The following CADPS variants were observed in gnomAD, a reference collection of about 807,000 sequenced individuals.
CADPS encodes calcium dependent secretion activator, also known as calcium-dependent secretion activator 1.
A neutral mutation model predicts 167.3 loss-of-function variants in CADPS; 57 were observed. The ratio of observed to expected loss-of-function variants is 0.34; its 90% CI spans 0.28 to 0.42. The LOEUF is 0.42. Ranked by LOEUF, CADPS falls within the 20% of genes least tolerant of loss-of-function variation. CADPS has a pLI of 1.00. For synonymous variants in CADPS, 676 were observed against 635.3 expected (o/e 1.06, Z -0.96); for missense variants, 1,414 against 1,738.1 (o/e 0.81, Z 3.32).
chr3:62,740,464 A>G (rs1181520459), intron 3 of CADPS, among the ~76,000 whole-genome samples: 2 of 152,190 alleles, frequency 1.3e-5, no homozygotes, highest in Non-Finnish European at 2.9e-5. Context: ...ATTTCATTCA[A>G]CCACATTACA....
intron 3 of CADPS, among the ~76,000 whole-genome samples, chr3:62,724,992 C>T (rs1046587861): frequency 6.6e-6 from 1 of 152,222 alleles, no homozygotes; most frequent in Admixed American, 6.5e-5. Flanking sequence ...GTGCTCTGTG[C>T]CAGTGAGCCC....
At chr3:62,547,079 T>G (rs1370633632) in intron 11 of CADPS, among the ~76,000 whole-genome samples, 1 of 152,172 alleles carries the variant, frequency 6.6e-6, no homozygotes, top group East Asian at 1.9e-4. Context: ...GCTTGTAAAT[T>G]ATAGGAACAG....
At position 62,753,562 on chromosome 3, in the gene CADPS, G is replaced by T; in HGVS notation, c.767C>A (p.Ala256Asp). The change falls in exon 3 of 30, where the codon GCC becomes GAC. Residue 256 changes from alanine to aspartate, a missense_variant. Around this residue, in one of 6 missense-constraint regions of CADPS, gnomAD observed 522 missense variants for 559.5 expected, o/e 0.93. Transcript: ENST00000383710. The surrounding 1 kb of genome is among the most constrained non-coding windows in gnomAD (Gnocchi z 4.6). ...GGAGGCTGCGCTGGCTGTCATCCGG[G>T]CCTGCTGCTTCCGCGGGTCCTCTTC... The part of the protein sequence containing the change: ...RGEEDPRKQQ[A>D]RMTASAASEL... 1 of 1,614,104 alleles carries T rather than the reference G, an allele frequency of 6.2e-7. No individual in the cohort carries two copies. The highest frequency in any genetic ancestry group is 8.5e-7 in the Non-Finnish European group (1 of 1,180,036).
chr3:62,565,995 C>G (rs764066932), intron 9 of CADPS, among the ~76,000 whole-genome samples: 9 of 152,168 alleles, frequency 5.9e-5, no homozygotes, highest in Non-Finnish European at 1.3e-4. Flanking sequence ...TTTTTTCAGA[C>G]AATTTTCGTT....
At position 62,862,475 on chromosome 3, in the gene CADPS, C is replaced by T. The variant is rs552118655; in HGVS notation, c.441+12114G>A. On this transcript the variant is annotated intron_variant, in intron 1 of 29. Transcript: ENST00000383710. Reference sequence around the variant, plus strand: ...CTACTCACCTCGGCCTCCCAAAGACCTGGGATTACAGGTGTGAGCCACTGT... The same window carrying T: ...CTACTCACCTCGGCCTCCCAAAGACTTGGGATTACAGGTGTGAGCCACTGT... Among the ~76,000 whole-genome samples the T allele has an allele frequency of 2.8e-3, 419 of 152,214 alleles. 2 individuals are homozygous for T. Among genetic ancestry groups the T allele is most frequent in the African/African-American group, 9.2e-3 (380 of 41,524 alleles).
intron 1 of CADPS, among the ~76,000 whole-genome samples, chr3:62,859,821 A>G (rs2080435639): frequency 6.6e-6 from 1 of 152,208 alleles, no homozygotes; most frequent in Non-Finnish European, 1.5e-5. Context: ...AATATTCTTC[A>G]GAAAATAAAG....
chr3:62,583,599 G>C (rs2083928744), intron 8 of CADPS, among the ~76,000 whole-genome samples: 1 of 152,104 alleles, frequency 6.6e-6, no homozygotes, highest in African/African-American at 2.4e-5. Context: ...CCCAGCTCAG[G>C]CTTGGCATAA....
rs192943100 is a variant in CADPS, at chr3:62,618,350, C to T, written c.1326-25602G>A. 1.2e-4 allele frequency among the ~76,000 whole-genome samples: 19 copies of T among 152,210 alleles called. No homozygotes were observed. The East Asian group carries it at 2.9e-3, about 23-fold the overall frequency. On this transcript the variant is annotated intron_variant, in intron 6 of 29. Transcript: ENST00000383710. ...CTTCATTTATATGGACTAATGAAAT[C>T]CTGTCTCAGTTTAAGCCAATCAGAA...
chr3:62,451,316 C>G (rs1003612296), intron 26 of CADPS, among the ~76,000 whole-genome samples: 1 of 152,000 alleles, frequency 6.6e-6, no homozygotes, highest in Non-Finnish European at 1.5e-5. Flanking sequence ...TTTTCTTCTG[C>G]CTGGCCCTAA....
intron 6 of CADPS, among the ~76,000 whole-genome samples, chr3:62,640,938 C>CT (rs2067283015): frequency 6.7e-6 from 1 of 149,074 alleles, no homozygotes; most frequent in Non-Finnish European, 1.5e-5. Flanking sequence ...TTCTTTACAT[C>CT]ATTTTTTTTT....
chr3:62,803,318 A>AT (rs1489141938), intron 1 of CADPS, among the ~76,000 whole-genome samples: 1 of 143,524 alleles, frequency 7.0e-6, no homozygotes, highest in Non-Finnish European at 1.5e-5. Context: ...GAATAATGGC[A>AT]TTTGAGATGC....
chr3:62,540,726 T>A (rs1409425681), intron 11 of CADPS, among the ~76,000 whole-genome samples: 1 of 152,180 alleles, frequency 6.6e-6, no homozygotes, highest in Non-Finnish European at 1.5e-5. Flanking sequence ...AAATTCTGTT[T>A]CAAAGAACTT....
intron 8 of CADPS, among the ~76,000 whole-genome samples, chr3:62,573,489 A>G (rs1245592980): frequency 6.6e-6 from 1 of 152,212 alleles, no homozygotes; most frequent in Non-Finnish European, 1.5e-5. Context: ...CTATAGGGAC[A>G]AAGTCCAGCA....
At chr3:62,633,550 C>T (rs147097373) in intron 6 of CADPS, among the ~76,000 whole-genome samples, 18 of 152,110 alleles carry the variant, frequency 1.2e-4, no homozygotes, top group East Asian at 1.2e-3. Context: ...GCCTTCTTGC[C>T]GTAGAGTCTC....
chr3:62,769,779 G>T (rs529718607), intron 1 of CADPS, among the ~76,000 whole-genome samples: 1 of 152,096 alleles, frequency 6.6e-6, no homozygotes, highest in Non-Finnish European at 1.5e-5. Flanking sequence ...GAGCGCACAG[G>T]CTTGGGGTCC....
intron 28 of CADPS, among the ~76,000 whole-genome samples, chr3:62,418,989 C>G (rs940552393): frequency 2.0e-5 from 3 of 152,170 alleles, no homozygotes; most frequent in African/African-American, 4.8e-5. Flanking sequence ...CCTGGCTCAA[C>G]AGCAGGACAT....
chr3:62,730,122 A>C (rs949112189), intron 3 of CADPS, among the ~76,000 whole-genome samples: 2 of 149,522 alleles, frequency 1.3e-5, no homozygotes, highest in Non-Finnish European at 2.9e-5. Flanking sequence ...TCCTTCTGTC[A>C]CTTCATGACG....
At chr3:62,487,606 G>A (rs1362472882) in intron 21 of CADPS, among the ~76,000 whole-genome samples, 3 of 152,200 alleles carry the variant, frequency 2.0e-5, no homozygotes, top group African/African-American at 4.8e-5. Flanking sequence ...CTGGCTTAAC[G>A]GAAACAGAGA....
intron 1 of CADPS, among the ~76,000 whole-genome samples, chr3:62,852,372 A>T (rs1451925625): frequency 2.0e-5 from 3 of 152,016 alleles, no homozygotes; most frequent in Non-Finnish European, 4.4e-5. Context: ...TGTGTCGCTC[A>T]CACTGGGAGC....
Sources: gnomAD v4.1 joint callset for allele counts (sites outside exome capture counted in the v4.1 genomes callset) on GRCh38, gnomAD v4.1.1 for gene constraint, gnomAD v4.1.1 regional missense constraint, Gnocchi (gnomAD v3.1) non-coding constraint, MANE v1.5 for transcripts, NCBI Gene and HGNC (gene_info 2026-07-23, HGNC 2026-07-21) for gene names.